The following DPYD variants were observed in gnomAD, a reference collection of about 807,000 sequenced individuals.
The protein encoded by DPYD is dihydropyrimidine dehydrogenase [NADP(+)].
Under a neutral mutation model 116.2 loss-of-function variants are expected in DPYD, and 109 were observed. The ratio of observed to expected loss-of-function variants is 0.94; its 90% CI spans 0.80 to 1.10. DPYD has a LOEUF of 1.10. Among genes scored for constraint, DPYD ranks in the 50% least tolerant of loss-of-function variants. The pLI, the probability that DPYD is intolerant of heterozygous loss-of-function variation, is 0.00. For missense variants in DPYD, 1,302 were observed against 1,254.5 expected (o/e 1.04, Z -0.57); for synonymous variants, 440 against 432.0 (o/e 1.02, Z -0.23).
chr1:97,107,404 C>T (rs1651248236), intron 20 of DPYD, among the ~76,000 whole-genome samples: 1 of 152,070 alleles, frequency 6.6e-6, no homozygotes, highest in Non-Finnish European at 1.5e-5. Context: ...TCCTTGCATT[C>T]TAAAGGACCT....
chr1:97,557,226 G>A (rs2102118387), intron 11 of DPYD, among the ~76,000 whole-genome samples: 1 of 149,886 alleles, frequency 6.7e-6, no homozygotes, highest in African/African-American at 2.5e-5. Context: ...TTGTAAATTT[G>A]TTTGAGTTCA....
intron 16 of DPYD, among the ~76,000 whole-genome samples, chr1:97,315,058 C>T (rs186223673): frequency 1.1e-4 from 16 of 152,036 alleles, no homozygotes; most frequent in Admixed American, 6.6e-5. Flanking sequence ...GTTGAGGAGT[C>T]GCATAACTTT....
At chr1:97,134,011 AAAAATATATATATATATAT>A (rs1191108482) in intron 20 of DPYD, among the ~76,000 whole-genome samples, 764 of 35,202 alleles carry the variant, frequency 0.022, 90 homozygotes, top group South Asian at 0.03. Context: ...AAAAAAAAAA[AAAAATATATATATATATAT>A]ATATATATAT....
chr1:97,469,447 C>T (rs1018716305), intron 13 of DPYD, among the ~76,000 whole-genome samples: 1 of 132,456 alleles, frequency 7.5e-6, no homozygotes, highest in Non-Finnish European at 1.6e-5. Context: ...AATAAAATGC[C>T]AGTATTTCCT....
chr1:97,785,681 CTTTTTTT>C (rs35229030), intron 3 of DPYD, among the ~76,000 whole-genome samples: 88 of 62,546 alleles, frequency 1.4e-3, no homozygotes, highest in Middle Eastern at 9.8e-3. Context: ...GCCACTGACT[CTTTTTTT>C]TTTTTTTTTT....
chr1:97,324,080 G>C (rs986435723), intron 16 of DPYD, among the ~76,000 whole-genome samples: 2 of 152,114 alleles, frequency 1.3e-5, no homozygotes, highest in Middle Eastern at 3.4e-3. Context: ...GATGGCAGTA[G>C]TGGTGGATAT....
intron 12 of DPYD, among the ~76,000 whole-genome samples, chr1:97,532,009 T>TG (rs1557777956): frequency 6.6e-6 from 1 of 151,870 alleles, no homozygotes; most frequent in Non-Finnish European, 1.5e-5. Context: ...TCTCCAGTTT[T>TG]TGTGTGTGTG....
chr1:97,638,659 T>C (rs892873820), intron 8 of DPYD, among the ~76,000 whole-genome samples: 1 of 152,144 alleles, frequency 6.6e-6, no homozygotes, highest in South Asian at 2.1e-4. Flanking sequence ...ATGGCACTCA[T>C]ATCTGTTTGG....
At chr1:97,214,753 G>T (rs2101878769) in intron 19 of DPYD, among the ~76,000 whole-genome samples, 1 of 152,334 alleles carries the variant, frequency 6.6e-6, no homozygotes, top group Non-Finnish European at 1.5e-5. Context: ...ATCTGGAGTT[G>T]TTCCACGTGG....
At chr1:97,369,643 A>T (rs918186748) in intron 16 of DPYD, among the ~76,000 whole-genome samples, 4 of 152,102 alleles carry the variant, frequency 2.6e-5, no homozygotes, top group Non-Finnish European at 4.4e-5. Flanking sequence ...GTCATATTTT[A>T]TTTTTCATGC....
intron 18 of DPYD, among the ~76,000 whole-genome samples, chr1:97,291,089 C>T (rs1392238931): frequency 1.3e-5 from 2 of 152,200 alleles, no homozygotes; most frequent in Non-Finnish European, 2.9e-5. Context: ...TGAAAAAATG[C>T]TCATCATCAC....
At chr1:97,368,204 T>TACTAGACAGAAC (rs1553165326) in intron 16 of DPYD, among the ~76,000 whole-genome samples, 1 of 152,114 alleles carries the variant, frequency 6.6e-6, no homozygotes, top group African/African-American at 2.4e-5. Flanking sequence ...CAGTTGGGAA[T>TACTAGACAGAAC]ACTAGACAGA....
chr1:97,235,058 A>G, intron 18 of DPYD, 64 bp from the exon 19 acceptor site: 1 of 1,588,962 alleles, frequency 6.3e-7, no homozygotes, highest in Non-Finnish European at 8.6e-7. Context: ...GTCTTATATT[A>G]CTTCTATTAC....
intron 3 of DPYD, among the ~76,000 whole-genome samples, chr1:97,746,779 G>A (rs1301169826): frequency 2.0e-5 from 3 of 152,070 alleles, no homozygotes; most frequent in Admixed American, 1.3e-4. Context: ...AGTAGCGTCA[G>A]TACTTAATAA....
At chr1:97,902,106 T>C (rs1180904721) in intron 1 of DPYD, among the ~76,000 whole-genome samples, 2 of 151,750 alleles carry the variant, frequency 1.3e-5, no homozygotes, top group Non-Finnish European at 2.9e-5. Context: ...TCCAGGAACT[T>C]ATATAAGGCA....
intron 21 of DPYD, among the ~76,000 whole-genome samples, chr1:97,084,241 A>C (rs1649351602): frequency 6.6e-6 from 1 of 151,944 alleles, no homozygotes. Flanking sequence ...TGGAGGACAC[A>C]CTTTTCAACT....
At chr1:97,147,940 G>T (rs1287101643) in intron 20 of DPYD, among the ~76,000 whole-genome samples, 1 of 152,128 alleles carries the variant, frequency 6.6e-6, no homozygotes, top group African/African-American at 2.4e-5. Flanking sequence ...TACAAAGTGT[G>T]TGCACTTTGG....
intron 3 of DPYD, among the ~76,000 whole-genome samples, chr1:97,813,172 G>T (rs934477551): frequency 2.0e-5 from 3 of 151,918 alleles, no homozygotes; most frequent in African/African-American, 7.3e-5. Context: ...CTTTAATTAT[G>T]TGTCAAAACT....
chr1:97,186,948 C>T lies in DPYD; in HGVS notation c.2622+6121G>A, dbSNP rs181045549. On this transcript the variant is annotated intron_variant, in intron 20 of 22. Coordinates refer to ENST00000370192, the MANE Select transcript of DPYD (RefSeq NM_000110.4). ...ACATGATTTCATTCTTTTTTTATGG[C>T]TGAATAGTATTCTACATTTTCTTTA... Among the ~76,000 whole-genome samples the T allele has an allele frequency of 2.0e-5, 3 of 152,202 alleles. No individual in the cohort carries two copies. The East Asian group carries it at 5.8e-4, about 29-fold the overall frequency.
Sources: gnomAD v4.1 joint callset for allele counts (sites outside exome capture counted in the v4.1 genomes callset) on GRCh38, gnomAD v4.1.1 for gene constraint, MANE v1.5 for transcripts, NCBI Gene and HGNC (gene_info 2026-07-23, HGNC 2026-07-21) for gene names.